Variants in PKHD1 observed in about 807,000 individuals in gnomAD.
PKHD1 encodes fibrocystin.
In PKHD1, 291 loss-of-function variants were observed where a neutral mutation model predicts 412.0. The observed-to-expected ratio is 0.71, with a 90% CI of 0.64 to 0.78. The LOEUF is 0.78. PKHD1 is among the 30% of genes least tolerant of loss of function. The probability of loss-of-function intolerance (pLI) is 0.00; values close to 1 mark genes in which losing one functional copy is unlikely to be tolerated. For synonymous variants in PKHD1, 1,777 were observed against 1,821.5 expected (o/e 0.98, Z 0.62); for missense variants, 4,825 against 4,950.7 (o/e 0.97, Z 0.76).
At chr6:52,033,345 C>T (rs1180597908) in intron 28 of PKHD1, among the ~76,000 whole-genome samples, 180 bp from the exon 29 acceptor site, 1 of 152,178 alleles carries the variant, frequency 6.6e-6, no homozygotes, top group Non-Finnish European at 1.5e-5. Flanking sequence ...CTCTCCCCAT[C>T]CTGCCCCCAC....
intron 60 of PKHD1, among the ~76,000 whole-genome samples, chr6:51,669,395 C>A (rs1425342998): frequency 6.6e-6 from 1 of 151,664 alleles, no homozygotes; most frequent in African/African-American, 2.4e-5. Flanking sequence ...TGGTGATATC[C>A]CCTTTATCAT....
At chr6:51,921,102 T>A (rs148390131) in intron 37 of PKHD1, among the ~76,000 whole-genome samples, 10,564 of 152,144 alleles carry the variant, frequency 0.069, 498 homozygotes, top group Non-Finnish European at 0.11. Flanking sequence ...TTTTGAAGGG[T>A]TTTTTGTGTC....
intron 51 of PKHD1, among the ~76,000 whole-genome samples, chr6:51,833,893 G>C (rs571923705): frequency 5.3e-5 from 8 of 152,262 alleles, no homozygotes; most frequent in African/African-American, 1.9e-4. Flanking sequence ...AATTAGACTA[G>C]TTTCAAAACT....
intron 52 of PKHD1, among the ~76,000 whole-genome samples, chr6:51,813,268 C>T (rs1764970949): frequency 1.3e-5 from 2 of 152,052 alleles, no homozygotes; most frequent in South Asian, 4.2e-4. Context: ...AACATGGTGC[C>T]AATGTCACAC....
At chr6:51,747,671 A>T in intron 58 of PKHD1, 116 bp downstream of exon 58, 2 of 864,274 alleles carry the variant, frequency 2.3e-6, no homozygotes, top group South Asian at 2.8e-5. Context: ...AGCAGGTTGG[A>T]CAGCAAGCAC....
At chr6:51,899,585 C>T (rs561073809) in intron 43 of PKHD1, among the ~76,000 whole-genome samples, 114 of 150,908 alleles carry the variant, frequency 7.6e-4, no homozygotes, top group Middle Eastern at 6.8e-3. Context: ...AAACTGGAAG[C>T]ATTCCCTTTG....
chr6:52,045,073 G>C lies in PKHD1; in HGVS notation c.2608C>G (p.Leu870Val). ...PNFIRVSDEN[L>V]TGVNPAAATR... Reference sequence around the variant, plus strand: ...GCTGCAGCAGGATTCACTCCAGTAAGGTTTTCATCAGAGACCTGAGATGGT... The same window carrying C: ...GCTGCAGCAGGATTCACTCCAGTAACGTTTTCATCAGAGACCTGAGATGGT... Residue 870 changes from leucine (L) to valine (V), a missense_variant, in exon 25 of 67, where the codon CTT (leucine) becomes GTT (valine). Physicochemically the swap from Leu to Val is conservative, Grantham distance 32 (BLOSUM62 1). Transcript: ENST00000371117. The C allele has an allele frequency of 6.2e-7, 1 of 1,613,404 alleles. No individual in the cohort carries two copies. Among genetic ancestry groups the C allele is most frequent in the Non-Finnish European group, 8.5e-7 (1 of 1,179,456 alleles).
chr6:51,732,330 T>C (rs1783328514), intron 60 of PKHD1, among the ~76,000 whole-genome samples: 1 of 152,144 alleles, frequency 6.6e-6, no homozygotes, highest in African/African-American at 2.4e-5. Context: ...CAAAAAACTC[T>C]ATCAACAGAG....
At chr6:51,622,642 G>A (rs927733596) in intron 66 of PKHD1, 6 of 152,130 alleles carry the variant, frequency 3.9e-5, no homozygotes, top group African/African-American at 1.4e-4. Flanking sequence ...TATGACAATT[G>A]AGGAGGCATA....
At chr6:51,847,422 G>A (rs1267132671) in intron 50 of PKHD1, among the ~76,000 whole-genome samples, 1 of 152,090 alleles carries the variant, frequency 6.6e-6, no homozygotes, top group Non-Finnish European at 1.5e-5. Flanking sequence ...GATATTATTA[G>A]TACTAACTAC....
chr6:51,948,681 A>T (rs1789845722), intron 36 of PKHD1, among the ~76,000 whole-genome samples: 1 of 152,220 alleles, frequency 6.6e-6, no homozygotes, highest in South Asian at 2.1e-4. Flanking sequence ...AGTTGAAATT[A>T]TCAAAGTAAA....
At chr6:51,628,726 G>A (rs927409579) in intron 65 of PKHD1, among the ~76,000 whole-genome samples, 4 of 151,992 alleles carry the variant, frequency 2.6e-5, no homozygotes, top group Admixed American at 1.3e-4. Flanking sequence ...CCACAACCTC[G>A]CCAACATCTG....
chr6:51,909,346 G>T lies in PKHD1; in HGVS notation c.6619C>A (p.Gln2207Lys). The change falls in exon 40 of 67, where the codon CAA becomes AAA. Residue 2207 changes from glutamine (Q) to lysine (K), a missense_variant. Gln to Lys is a moderately conservative substitution (Grantham distance 53). Coordinates refer to ENST00000371117, the MANE Select transcript of PKHD1 (RefSeq NM_138694.4). ...SQVQLKGVQF[Q>K]VLGQAFHKHL... ...TTATGGAAGGCTTGCCCCAAGACTTGAAACTGCACTCCCTTCAACTGGACC... is the reference window on the plus strand; with the variant it reads ...TTATGGAAGGCTTGCCCCAAGACTTTAAACTGCACTCCCTTCAACTGGACC... The T allele has an allele frequency of 6.2e-7, 1 of 1,613,552 alleles. No individual in the cohort carries two copies. The highest frequency in any genetic ancestry group is 1.3e-5 in the African/African-American group (1 of 74,972).
At chr6:51,748,786 C>A in intron 57 of PKHD1, 121 bp from the exon 58 acceptor site, 2 of 816,672 alleles carry the variant, frequency 2.4e-6, no homozygotes, top group Admixed American at 3.5e-5. Context: ...ATTCTCAACA[C>A]CAACATTATA....
intron 41 of PKHD1, among the ~76,000 whole-genome samples, chr6:51,904,693 G>A (rs1165522286): frequency 6.6e-6 from 1 of 152,150 alleles, no homozygotes; most frequent in Non-Finnish European, 1.5e-5. Flanking sequence ...TAATACAATA[G>A]ATGTCAAAAT....
intron 37 of PKHD1, among the ~76,000 whole-genome samples, chr6:51,932,060 A>T (rs1786709119): frequency 6.6e-6 from 1 of 152,154 alleles, no homozygotes; most frequent in African/African-American, 2.4e-5. Context: ...TCTCATTCTC[A>T]ATATCCAGTA....
At chr6:51,866,603 T>C (rs371617216) in intron 48 of PKHD1, among the ~76,000 whole-genome samples, 11 of 152,134 alleles carry the variant, frequency 7.2e-5, no homozygotes, top group Non-Finnish European at 1.5e-4. Context: ...AAGTAAAGCA[T>C]GATAAAGGAC....
chr6:51,845,810 G>T (rs922515215), intron 50 of PKHD1, among the ~76,000 whole-genome samples: 1 of 152,092 alleles, frequency 6.6e-6, no homozygotes, highest in African/African-American at 2.4e-5. Context: ...ATAGCTGCAT[G>T]ATTTAATTTT....
At chr6:52,034,713 T>G (rs1803658950) in intron 28 of PKHD1, among the ~76,000 whole-genome samples, 1 of 152,162 alleles carries the variant, frequency 6.6e-6, no homozygotes, top group Non-Finnish European at 1.5e-5. Flanking sequence ...GCCCTGTTGT[T>G]TACAATAAGA....
Sources: gnomAD v4.1 joint callset for allele counts (sites outside exome capture counted in the v4.1 genomes callset) on GRCh38, gnomAD v4.1.1 for gene constraint, MANE v1.5 for transcripts, NCBI Gene and HGNC (gene_info 2026-07-23, HGNC 2026-07-21) for gene names.